The following KIF6 variants were observed in gnomAD, a reference collection of about 807,000 sequenced individuals.
The protein encoded by KIF6 is kinesin family member 6.
Under a neutral mutation model 112.7 loss-of-function variants are expected in KIF6, and 106 were observed. That is an observed-to-expected ratio of 0.94 (90% CI 0.80 to 1.11). The LOEUF is 1.11. KIF6 is among the 50% of genes least tolerant of loss of function. KIF6 has a pLI of 0.00. For missense variants in KIF6, 929 were observed against 964.0 expected (o/e 0.96, Z 0.48); for synonymous variants, 339 against 339.9 (o/e 1.00, Z 0.03).
chr6:39,393,100 G>T (rs1013852239), intron 15 of KIF6, among the ~76,000 whole-genome samples: 2 of 152,220 alleles, frequency 1.3e-5, no homozygotes, highest in Non-Finnish European at 2.9e-5. Flanking sequence ...CAGGTGCCGG[G>T]AGATAGTGGA....
At chr6:39,370,546 G>A (rs1238531488) in intron 16 of KIF6, among the ~76,000 whole-genome samples, 1 of 152,176 alleles carries the variant, frequency 6.6e-6, no homozygotes, top group African/African-American at 2.4e-5. Context: ...AGTGAGTTCT[G>A]AGACAGACCA....
intron 13 of KIF6, among the ~76,000 whole-genome samples, chr6:39,446,165 T>C (rs905810401): frequency 6.6e-6 from 1 of 152,180 alleles, no homozygotes; most frequent in Non-Finnish European, 1.5e-5. Flanking sequence ...GGATCTGCCA[T>C]TTATATTGCT....
intron 3 of KIF6, among the ~76,000 whole-genome samples, chr6:39,684,800 A>G (rs1787760284): frequency 6.6e-6 from 1 of 152,058 alleles, no homozygotes; most frequent in Non-Finnish European, 1.5e-5. Flanking sequence ...GAAAAAAAAA[A>G]AAAGAAAGAA....
At chr6:39,481,062 G>A (rs1270868370) in intron 13 of KIF6, among the ~76,000 whole-genome samples, 2 of 151,364 alleles carry the variant, frequency 1.3e-5, no homozygotes, top group African/African-American at 4.9e-5. Context: ...ATTTAGTTCT[G>A]CTCTGATCTT....
At chr6:39,616,713 C>A (rs944998723) in intron 5 of KIF6, among the ~76,000 whole-genome samples, 2 of 152,188 alleles carry the variant, frequency 1.3e-5, no homozygotes, top group Non-Finnish European at 2.9e-5. Flanking sequence ...GCAGCCAGTG[C>A]GTCAGCCCCA....
intron 13 of KIF6, among the ~76,000 whole-genome samples, chr6:39,480,776 T>C (rs1774748129): frequency 6.6e-6 from 1 of 152,176 alleles, no homozygotes; most frequent in Non-Finnish European, 1.5e-5. Context: ...CTTCCTGATT[T>C]AAGCTAGGAG....
intron 19 of KIF6, among the ~76,000 whole-genome samples, chr6:39,353,016 A>G (rs757457299): frequency 2.6e-5 from 4 of 152,134 alleles, no homozygotes; most frequent in Non-Finnish European, 5.9e-5. Context: ...GCTACTATGA[A>G]CAATCATATT....
chr6:39,613,858 T>G (rs1783354417), intron 5 of KIF6, among the ~76,000 whole-genome samples: 2 of 152,200 alleles, frequency 1.3e-5, no homozygotes, highest in Admixed American at 6.6e-5. Flanking sequence ...AATAAAAAAT[T>G]TTCAAGTCTT....
intron 13 of KIF6, among the ~76,000 whole-genome samples, chr6:39,457,821 G>A (rs2150417691): frequency 6.6e-6 from 1 of 151,966 alleles, no homozygotes; most frequent in Admixed American, 6.6e-5. Context: ...ACTAAACCAG[G>A]AAGAAGTTGA....
rs1486675734 is a variant in KIF6, at chr6:39,334,861, C to G, written c.*1671G>C. 1 of 152,222 alleles carries G rather than the reference C, an allele frequency of 6.6e-6. No individual in the cohort carries two copies. The allele number at this position is 152,222 out of a possible 1,614,324, so 9.4% of individuals were successfully genotyped here. A position where few individuals can be genotyped will look rare whatever the true frequency, so the allele number is the denominator to read the frequency against. ...TCTAGAATCAGAATTTGGTCTTCCT[C>G]TGGTTCTACAGACTTTACAGAGGGC... On this transcript the variant is annotated 3_prime_UTR_variant, in exon 23 of 23. Transcript: ENST00000287152.
At chr6:39,377,959 GTAGTA>G (rs1222126755) in intron 16 of KIF6, among the ~76,000 whole-genome samples, 2 of 152,150 alleles carry the variant, frequency 1.3e-5, no homozygotes, top group East Asian at 3.8e-4. Flanking sequence ...TGCCCAAGAG[GTAGTA>G]TTCGTGGGGG....
At chr6:39,572,659 CTTTTTT>C (rs35901482) in intron 10 of KIF6, among the ~76,000 whole-genome samples, 4 of 102,216 alleles carry the variant, frequency 3.9e-5, no homozygotes, top group East Asian at 3.1e-4. Flanking sequence ...GATCTACAGG[CTTTTTT>C]TTTTTTTTTT....
chr6:39,677,169 C>T (rs1180964978), intron 3 of KIF6, among the ~76,000 whole-genome samples: 1 of 151,818 alleles, frequency 6.6e-6, no homozygotes, highest in Non-Finnish European at 1.5e-5. Flanking sequence ...TATAGTAGAC[C>T]TATAATTTTG....
intron 6 of KIF6, among the ~76,000 whole-genome samples, chr6:39,604,055 A>AGGATCTAGAATTCAGCTTTCCACTT (rs544563302): frequency 0.015 from 2,359 of 152,244 alleles, 28 homozygotes; most frequent in Non-Finnish European, 0.024. Flanking sequence ...TAGCAACCAC[A>AGGATCTAGAATTCAGCTTTCCACTT]GGATCTAGAA....
At chr6:39,472,209 A>AC (rs1453772244) in intron 13 of KIF6, among the ~76,000 whole-genome samples, 1 of 151,726 alleles carries the variant, frequency 6.6e-6, no homozygotes, top group African/African-American at 2.4e-5. Context: ...CTCACCTACC[A>AC]CCACCTTATC....
At chr6:39,567,823 G>T (rs1248920669) in intron 10 of KIF6, among the ~76,000 whole-genome samples, 2 of 152,100 alleles carry the variant, frequency 1.3e-5, no homozygotes, top group Non-Finnish European at 2.9e-5. Context: ...TAGCCAGGAT[G>T]GTCTCGATCT....
intron 3 of KIF6, among the ~76,000 whole-genome samples, chr6:39,680,200 G>A (rs1376242884): frequency 3.3e-5 from 5 of 151,428 alleles, no homozygotes; most frequent in Admixed American, 2.0e-4. Flanking sequence ...TAGACACAAA[G>A]TTTCGCCATG....
intron 13 of KIF6, among the ~76,000 whole-genome samples, chr6:39,471,656 A>G (rs1263052319): frequency 6.6e-6 from 1 of 152,166 alleles, no homozygotes; most frequent in African/African-American, 2.4e-5. Context: ...CTGCCAGCAC[A>G]TCTGAGGACT....
chr6:39,474,811 C>T (rs1774327651), intron 13 of KIF6, among the ~76,000 whole-genome samples: 1 of 152,220 alleles, frequency 6.6e-6, no homozygotes. Context: ...TACGATGGTT[C>T]CAACTCTAAT....
Sources: allele counts gnomAD v4.1 joint callset (sites outside exome capture counted in the v4.1 genomes callset), GRCh38; gene constraint gnomAD v4.1.1; transcripts MANE v1.5; gene names NCBI Gene and HGNC (gene_info 2026-07-23, HGNC 2026-07-21).